ZNF138: variants seen among roughly 807,000 people sequenced by gnomAD.
ZNF138 encodes the protein zinc finger protein 138 (clone pHZ-32).
In ZNF138, 33 loss-of-function variants were observed where a neutral mutation model predicts 33.0. The ratio of observed to expected loss-of-function variants is 1.00; its 90% CI spans 0.76 to 1.34. ZNF138 has a LOEUF of 1.34. ZNF138 is among the 40% of genes most tolerant of loss of function. The probability of loss-of-function intolerance (pLI) is 0.00; values close to 1 mark genes in which losing one functional copy is unlikely to be tolerated. For missense variants in ZNF138, 360 were observed against 370.8 expected (o/e 0.97, Z 0.24); for synonymous variants, 139 against 120.4 (o/e 1.15, Z -1.01).
chr7:64,801,004 A>AT, intron 1 of ZNF138, among the ~76,000 whole-genome samples: 1 of 151,926 alleles, frequency 6.6e-6, no homozygotes, highest in East Asian at 1.9e-4. Context: ...AGTTATTTGT[A>AT]TTTTTCTGGG....
intron 1 of ZNF138, among the ~76,000 whole-genome samples, chr7:64,809,706 CG>C (rs1438748243): frequency 6.9e-6 from 1 of 145,490 alleles, no homozygotes; most frequent in African/African-American, 2.6e-5. Context: ...TCAGACGGGG[CG>C]GTTGCCGGGC....
chr7:64,824,909 C>T (rs560566390), intron 3 of ZNF138, among the ~76,000 whole-genome samples: 28 of 151,144 alleles, frequency 1.9e-4, no homozygotes, highest in East Asian at 7.9e-4. Context: ...GTCACCCAGG[C>T]TGGCTCAATG....
In ZNF138 at chr7:64,832,290, CT is replaced by C. The variant is rs750375350; in HGVS notation, c.*90del. The C allele has an allele frequency of 8.8e-6, 14 of 1,588,954 alleles. No individual in the cohort carries two copies. Among genetic ancestry groups the C allele is most frequent in the Non-Finnish European group, 1.2e-5 (14 of 1,169,504 alleles). On this transcript the variant is annotated 3_prime_UTR_variant, in exon 4 of 4. Coordinates refer to ENST00000307355, the MANE Select transcript of ZNF138 (RefSeq NM_001271639.2). ...CAAAGCCTTTAACCAGTTTTCAACCCTTATTACACATAAGATAATTCATAGC... is the reference window on the plus strand; with the variant it reads ...CAAAGCCTTTAACCAGTTTTCAACCCTATTACACATAAGATAATTCATAGC...
At chr7:64,831,226 T>C in intron 3 of ZNF138, 1 of 1,187,294 alleles carries the variant, frequency 8.4e-7, no homozygotes, top group Non-Finnish European at 1.2e-6. Flanking sequence ...GCTCTTTGCA[T>C]TGTGCAAACC....
chr7:64,850,578 G>T, the ZNF138 span, among the ~76,000 whole-genome samples: 2 of 152,182 alleles, frequency 1.3e-5, no homozygotes, highest in Admixed American at 6.5e-5. Context: ...GGATGAGAGG[G>T]TGTTGGGCAT....
the ZNF138 span, among the ~76,000 whole-genome samples, chr7:64,839,919 C>A: frequency 3.3e-5 from 5 of 149,356 alleles, no homozygotes; most frequent in African/African-American, 9.8e-5. Context: ...TGGTCCGCAG[C>A]GGGAGGGCCA....
chr7:64,814,202 A>G, intron 1 of ZNF138: 1 of 955,516 alleles, frequency 1.0e-6, no homozygotes, highest in Non-Finnish European at 1.3e-6. Flanking sequence ...TTCAGAAAAA[A>G]TAATCTGCAT....
chr7:64,804,799 G>A (rs1216517916), intron 1 of ZNF138, among the ~76,000 whole-genome samples: 1 of 151,960 alleles, frequency 6.6e-6, no homozygotes, highest in Non-Finnish European at 1.5e-5. Flanking sequence ...ATGTTCTGGT[G>A]AAAACTGTCA....
downstream of ZNF138, among the ~76,000 whole-genome samples, chr7:64,834,842 TTAGTA>T (rs1322848124): frequency 6.6e-6 from 1 of 152,228 alleles, no homozygotes; most frequent in Non-Finnish European, 1.5e-5. Context: ...TTAAAATTAA[TTAGTA>T]TATAATTTTA....
At chr7:64,806,985 C>T (rs1261383544) in intron 1 of ZNF138, among the ~76,000 whole-genome samples, 2 of 152,186 alleles carry the variant, frequency 1.3e-5, no homozygotes, top group East Asian at 3.9e-4. Context: ...GTGGGTTTAC[C>T]GGAATAAGGG....
At chr7:64,841,437 G>A in the ZNF138 span, among the ~76,000 whole-genome samples, 1 of 152,300 alleles carries the variant, frequency 6.6e-6, no homozygotes, top group East Asian at 1.9e-4. Context: ...GACAGTGCTT[G>A]CTGTGTAGCA....
chr7:64,805,171 G>T (rs951736859), intron 1 of ZNF138, among the ~76,000 whole-genome samples: 1 of 152,066 alleles, frequency 6.6e-6, no homozygotes, highest in Non-Finnish European at 1.5e-5. Context: ...GGCCGAGGTG[G>T]GTGGATCACG....
chr7:64,830,371 G>A (rs1162660769), intron 3 of ZNF138, among the ~76,000 whole-genome samples: 2 of 151,356 alleles, frequency 1.3e-5, no homozygotes, highest in Non-Finnish European at 2.9e-5. Flanking sequence ...CATTGTTTTT[G>A]TTGTTATTCC....
chr7:64,831,122 T>C (rs758046600), intron 3 of ZNF138: 4 of 1,551,004 alleles, frequency 2.6e-6, no homozygotes, highest in Non-Finnish European at 2.6e-6. Flanking sequence ...AAACCAAGAG[T>C]TGGCAGTTTA....
chr7:64,801,327 C>T (rs1443841760), intron 1 of ZNF138, among the ~76,000 whole-genome samples: 2 of 152,134 alleles, frequency 1.3e-5, no homozygotes, highest in Non-Finnish European at 2.9e-5. Flanking sequence ...GTTAGCACTG[C>T]ATTAGCTGTG....
At chr7:64,841,183 T>C in the ZNF138 span, among the ~76,000 whole-genome samples, 12 of 152,288 alleles carry the variant, frequency 7.9e-5, no homozygotes, top group Admixed American at 7.8e-4. Flanking sequence ...CTAATAACGA[T>C]TTTTATAAAA....
At chr7:64,837,892 A>G (rs929623157), downstream of ZNF138, among the ~76,000 whole-genome samples, 2 of 152,162 alleles carry the variant, frequency 1.3e-5, no homozygotes, top group Admixed American at 1.3e-4. Flanking sequence ...TTGCTTTAGT[A>G]AGGAATAAAG....
At position 64,832,987 on chromosome 7, in the gene ZNF138, C is replaced by A. The variant is rs1300193825; in HGVS notation, c.*785C>A. The A allele has an allele frequency of 4.7e-6, 2 of 424,164 alleles. No individual in the cohort carries two copies. 26.3% of individuals were successfully genotyped at this position (424,164 alleles called of 1,614,324 possible). On this transcript the variant is annotated 3_prime_UTR_variant, in exon 4 of 4. Coordinates refer to ENST00000307355, the MANE Select transcript of ZNF138 (RefSeq NM_001271639.2). The stretch of plus-strand genomic sequence containing the variant: ...TTTACTATGCATAAGAAAATTCAAA[C>A]TGGAGAGAAACTCTACAAATGTGAA...
chr7:64,813,626 G>C (rs61703184), intron 1 of ZNF138, among the ~76,000 whole-genome samples: 44,321 of 151,758 alleles, frequency 0.29, 7,348 homozygotes, highest in Non-Finnish European at 0.36. Context: ...AGTAGAGACG[G>C]GGTTTCACTG....
Sources: gnomAD v4.1 joint callset for allele counts (sites outside exome capture counted in the v4.1 genomes callset) on GRCh38, gnomAD v4.1.1 for gene constraint, MANE v1.5 for transcripts, NCBI Gene and HGNC (gene_info 2026-07-23, HGNC 2026-07-21) for gene names.